The following ASB18 variants were observed in gnomAD, a reference collection of about 807,000 sequenced individuals.
ASB18 encodes ankyrin repeat and SOCS box containing 18, also known as ankyrin repeat and SOCS box protein 18.
In ASB18, 33 loss-of-function variants were observed where a neutral mutation model predicts 33.4. The observed-to-expected ratio is 0.99, with a 90% CI of 0.75 to 1.32. The LOEUF (loss-of-function observed/expected upper bound fraction) is 1.32. ASB18 is among the 40% of genes most tolerant of loss of function. ASB18 has a pLI of 0.00. For missense variants in ASB18, 694 were observed against 655.5 expected (o/e 1.06, Z -0.64); for synonymous variants, 295 against 307.6 (o/e 0.96, Z 0.43).
In ASB18 at chr2:236,237,968, G is replaced by A. The variant is rs77359803; in HGVS notation, c.329-12C>T. On this transcript the variant is annotated splice_polypyrimidine_tract_variant and intron_variant, in intron 2 of 5. Transcript: ENST00000409749. This position sits in a 1 kb window ranked among gnomAD's most constrained non-coding sequence, Gnocchi z 6.2. Reference sequence around the variant, plus strand: ...CAGGGTCCAGAGGCCTGCGGGGAGGGAGGTGGGATGTAAGGTCAGGGGGAG... The same window carrying A: ...CAGGGTCCAGAGGCCTGCGGGGAGGAAGGTGGGATGTAAGGTCAGGGGGAG... 1.0e-4 allele frequency: 153 copies of A among 1,488,230 alleles called. No individual in the cohort carries two copies. The African/African-American group carries it at 2.0e-3, about 20-fold the overall frequency. 92.2% of individuals were successfully genotyped at this position (1,488,230 alleles called of 1,614,324 possible). A position where few individuals can be genotyped will look rare whatever the true frequency, so the allele number is the denominator to read the frequency against.
chr2:236,194,887 C>T lies in ASB18; in HGVS notation c.1386G>A (p.Gln462=), dbSNP rs59098347. 0.021 allele frequency: 33,658 copies of T among 1,613,228 alleles called. 1,419 individuals are homozygous for T. Among genetic ancestry groups the T allele is most frequent in the African/African-American group, 0.18 (13,575 of 74,972 alleles). ...PLQNYLLLEP[Q]GVLH ...GTTCTGCGTTTCAGTGCAAAACACC[C>T]TGTGGCTCCAAAAGTAGGTAATTCT... is the stretch of plus-strand genomic sequence containing the variant. Residue 462 remains glutamine (Q), a synonymous_variant, in exon 6 of 6, where the codon CAG becomes CAA. Transcript: ENST00000409749. This position sits in a 1 kb window ranked among gnomAD's most constrained non-coding sequence, Gnocchi z 4.5.
In ASB18 at chr2:236,214,103, G is replaced by A; in HGVS notation, c.1101+259C>T. On this transcript the variant is annotated intron_variant, in intron 4 of 5. Coordinates refer to ENST00000409749, the MANE Select transcript of ASB18 (RefSeq NM_212556.4). The surrounding 1 kb of genome is among the most constrained non-coding windows in gnomAD (Gnocchi z 6.5). Reference sequence around the variant, plus strand: ...CATGCAACCCCTTAATTGTCTCGTGGCTCTAACCAGAAGGCTTCTAGGCCC... The same window carrying A: ...CATGCAACCCCTTAATTGTCTCGTGACTCTAACCAGAAGGCTTCTAGGCCC... The A allele has an allele frequency of 2.0e-6, 1 of 504,362 alleles. No homozygotes were observed. The highest frequency in any genetic ancestry group is 3.5e-6 in the Non-Finnish European group (1 of 287,590). The allele number at this position is 504,362 out of a possible 1,614,324, so 31.2% of individuals were successfully genotyped here. A position where few individuals can be genotyped will look rare whatever the true frequency, so the allele number is the denominator to read the frequency against.
intron 2 of ASB18, among the ~76,000 whole-genome samples, chr2:236,240,924 C>T (rs536835440): frequency 1.2e-4 from 19 of 152,278 alleles, no homozygotes; most frequent in East Asian, 7.7e-4. Context: ...GAGGCTGCTC[C>T]GGGCGCAACT....
At position 236,203,440 on chromosome 2, in the gene ASB18, T is replaced by C. The variant is rs1178591092; in HGVS notation, c.1102-7055A>G. ...TGGGGCATGAGTCTGACATGGGGAG[T>C]GCTCGGAAATGAAACAGGAGAGGAA... On this transcript the variant is annotated intron_variant, in intron 4 of 5. Transcript: ENST00000409749. This position sits in a 1 kb window ranked among gnomAD's most constrained non-coding sequence, Gnocchi z 6.0. Among the ~76,000 whole-genome samples the C allele has an allele frequency of 6.6e-6, 1 of 151,166 alleles. No homozygotes were observed. The highest frequency in any genetic ancestry group is 1.5e-5 in the Non-Finnish European group (1 of 67,864).
chr2:236,196,822 T>C lies in ASB18; in HGVS notation c.1102-437A>G, dbSNP rs145322262. Reference sequence around the variant, plus strand: ...TTCAGATGTGTCAGGAAATTGAGAATTGGGGAAGAGGAATTGTTTTGCTGT... The same window carrying C: ...TTCAGATGTGTCAGGAAATTGAGAACTGGGGAAGAGGAATTGTTTTGCTGT... On this transcript the variant is annotated intron_variant, in intron 4 of 5. Coordinates refer to ENST00000409749, the MANE Select transcript of ASB18 (RefSeq NM_212556.4). The surrounding 1 kb of genome is among the most constrained non-coding windows in gnomAD (Gnocchi z 5.6). 7.1e-3 allele frequency among the ~76,000 whole-genome samples: 1,081 copies of C among 152,316 alleles called. 13 individuals carry two copies. The highest frequency in any genetic ancestry group is 0.025 in the African/African-American group (1,028 of 41,566).
chr2:236,225,983 T>TA lies in ASB18; in HGVS notation c.597-11118dup. 6.6e-6 allele frequency among the ~76,000 whole-genome samples: 1 copy of TA among 152,132 alleles called. No individual in the cohort carries two copies. Among genetic ancestry groups the TA allele is most frequent in the Middle Eastern group, 3.4e-3 (1 of 294 alleles). ...CAGCGACCCCCTCTCTACTGTGAGGTAAAAAAATTAAGGATGACCTAAAAT... is the reference window on the plus strand; with the variant it reads ...CAGCGACCCCCTCTCTACTGTGAGGTAAAAAAAATTAAGGATGACCTAAAAT... On this transcript the variant is annotated intron_variant, in intron 3 of 5. Coordinates refer to ENST00000409749, the MANE Select transcript of ASB18 (RefSeq NM_212556.4). This position sits in a 1 kb window ranked among gnomAD's most constrained non-coding sequence, Gnocchi z 5.1.
chr2:236,259,406 C>A lies in ASB18; in HGVS notation c.205+4735G>T. The stretch of plus-strand genomic sequence containing the variant: ...GAGGTTCTGGCCCTAGAAGAGGTGG[C>A]ATTCAGGTTTGAATTATCCAGTTGG... On this transcript the variant is annotated intron_variant, in intron 1 of 5. Coordinates refer to ENST00000409749, the MANE Select transcript of ASB18 (RefSeq NM_212556.4). This position sits in a 1 kb window ranked among gnomAD's most constrained non-coding sequence, Gnocchi z 4.4. 7.2e-6 allele frequency: 3 copies of A among 418,644 alleles called. No homozygotes were observed. Among genetic ancestry groups the A allele is most frequent in the Non-Finnish European group, 1.5e-5 (3 of 198,078 alleles). 25.9% of individuals were successfully genotyped at this position (418,644 alleles called of 1,614,324 possible).
chr2:236,224,250 T>C (rs1490577809), intron 3 of ASB18, among the ~76,000 whole-genome samples: 3 of 151,270 alleles, frequency 2.0e-5, no homozygotes, highest in Non-Finnish European at 2.9e-5. Flanking sequence ...TGAATATTTA[T>C]TTGTGGTCTC....
At position 236,237,132 on chromosome 2, in the gene ASB18, C is replaced by A. The variant is rs1184514184; in HGVS notation, c.596+557G>T. Among the ~76,000 whole-genome samples the A allele has an allele frequency of 6.6e-6, 1 of 152,126 alleles. No individual in the cohort carries two copies. Among genetic ancestry groups the A allele is most frequent in the Non-Finnish European group, 1.5e-5 (1 of 68,018 alleles). On this transcript the variant is annotated intron_variant, in intron 3 of 5. Transcript: ENST00000409749. The surrounding 1 kb of genome is among the most constrained non-coding windows in gnomAD (Gnocchi z 6.2). The stretch of plus-strand genomic sequence containing the variant: ...CGCTTCCGAGCGGGCCTGGAAGCCC[C>A]GCCCGAGGAGCTAACCATTTATGTC...
At position 236,204,252 on chromosome 2, in the gene ASB18, A is replaced by G. The variant is rs2060422194; in HGVS notation, c.1102-7867T>C. On this transcript the variant is annotated intron_variant, in intron 4 of 5. Coordinates refer to ENST00000409749, the MANE Select transcript of ASB18 (RefSeq NM_212556.4). The surrounding 1 kb of genome is among the most constrained non-coding windows in gnomAD (Gnocchi z 5.1). The stretch of plus-strand genomic sequence containing the variant: ...CCAGGCTCTGCCTCGCCAGTGGTCC[A>G]TGCTCTGCCTCACTTTACTTGCTGT... 6.6e-6 allele frequency among the ~76,000 whole-genome samples: 1 copy of G among 152,158 alleles called. No homozygotes were observed. Among genetic ancestry groups the G allele is most frequent in the South Asian group, 2.1e-4 (1 of 4,826 alleles).
rs1264478772 is a variant in ASB18 at position 236,241,713 on chromosome 2, C to T, written c.206-311G>A. 2.0e-5 allele frequency among the ~76,000 whole-genome samples: 3 copies of T among 152,126 alleles called. No homozygotes were observed. Among genetic ancestry groups the T allele is most frequent in the Non-Finnish European group, 4.4e-5 (3 of 68,024 alleles). ...CAGGGGCATGTGAGCACTGGGATGC[C>T]GCAGTACTCAGCCACCCTCTTTGTG... On this transcript the variant is annotated intron_variant, in intron 1 of 5. Transcript: ENST00000409749. This position sits in a 1 kb window ranked among gnomAD's most constrained non-coding sequence, Gnocchi z 4.2.
rs10211355 is a variant in ASB18, at chr2:236,194,387, A to C, written c.*485T>G. ...GGTATGTGTAGCTTGCCTTTATTTC[A>C]ATCTTTACTATTAGAATTGTATTGG... On this transcript the variant is annotated 3_prime_UTR_variant, in exon 6 of 6. Transcript: ENST00000409749. The surrounding 1 kb of genome is among the most constrained non-coding windows in gnomAD (Gnocchi z 4.5). Among the ~76,000 whole-genome samples the C allele has an allele frequency of 0.1, 15,670 of 152,144 alleles. 925 individuals carry two copies. The highest frequency in any genetic ancestry group is 0.21 in the Middle Eastern group (63 of 294).
At chr2:236,236,238 A>G (rs2060588244) in intron 3 of ASB18, among the ~76,000 whole-genome samples, 1 of 152,230 alleles carries the variant, frequency 6.6e-6, no homozygotes, top group African/African-American at 2.4e-5. Context: ...ACACAGCAAC[A>G]CAGATGAATC....
At chr2:236,246,346 CAAAAAAAAAA>C (rs60064230) in intron 1 of ASB18, among the ~76,000 whole-genome samples, 10 of 32,700 alleles carry the variant, frequency 3.1e-4, no homozygotes, top group East Asian at 2.4e-3. Flanking sequence ...GACTCCATCT[CAAAAAAAAAA>C]AAAAAAAAAA....
At chr2:236,210,906 G>A (rs959046121) in intron 4 of ASB18, among the ~76,000 whole-genome samples, 19 of 152,162 alleles carry the variant, frequency 1.2e-4, no homozygotes, top group African/African-American at 3.6e-4. Flanking sequence ...CTTCCCACAC[G>A]CTTTGATGCT....
intron 4 of ASB18, among the ~76,000 whole-genome samples, chr2:236,212,217 C>T (rs2060461945): frequency 6.6e-6 from 1 of 152,128 alleles, no homozygotes; most frequent in South Asian, 2.1e-4. Context: ...TGAGTTGCAC[C>T]ACTGACTGAC....
Position 236,194,068 on chromosome 2 carries a change from T to TATGAATGA in ASB18, c.*796_*803dup, listed in dbSNP as rs148040196. Among the ~76,000 whole-genome samples, 16,494 of 151,800 alleles carry TATGAATGA rather than the reference T, an allele frequency of 0.11. 2,562 individuals are homozygous for TATGAATGA. The highest frequency in any genetic ancestry group is 0.35 in the African/African-American group (14,320 of 41,138). ...CTGAACTAGAATAAGCACATTAGAA[T>TATGAATGA]ATGAATGAATGAATGAATGAATGAA... On this transcript the variant is annotated 3_prime_UTR_variant, in exon 6 of 6. Transcript: ENST00000409749. The surrounding 1 kb of genome is among the most constrained non-coding windows in gnomAD (Gnocchi z 4.5).
At position 236,195,895 on chromosome 2, in the gene ASB18, T is replaced by C. The variant is rs1439062592; in HGVS notation, c.1215+377A>G. 6.6e-6 allele frequency among the ~76,000 whole-genome samples: 1 copy of C among 152,158 alleles called. No individual in the cohort carries two copies. The highest frequency in any genetic ancestry group is 1.5e-5 in the Non-Finnish European group (1 of 68,028). ...GTAATCCCCATAGCTTCCTTGGTCGTATCTTGAGCTGCTGGAGCATGAAGC... is the reference window on the plus strand; with the variant it reads ...GTAATCCCCATAGCTTCCTTGGTCGCATCTTGAGCTGCTGGAGCATGAAGC... On this transcript the variant is annotated intron_variant, in intron 5 of 5. Transcript: ENST00000409749. This position sits in a 1 kb window ranked among gnomAD's most constrained non-coding sequence, Gnocchi z 5.5.
Position 236,237,568 on chromosome 2 carries a change from T to A in ASB18, c.596+121A>T. 1.3e-6 allele frequency: 1 copy of A among 773,286 alleles called. No individual in the cohort carries two copies. Among genetic ancestry groups the A allele is most frequent in the Non-Finnish European group, 1.8e-6 (1 of 548,672 alleles). 47.9% of individuals were successfully genotyped at this position (773,286 alleles called of 1,614,324 possible). On this transcript the variant is annotated intron_variant, in intron 3 of 5. Transcript: ENST00000409749. The surrounding 1 kb of genome is among the most constrained non-coding windows in gnomAD (Gnocchi z 6.2). Reference sequence around the variant, plus strand: ...AGTGGGCAGAGTCAAGGGTGCAGGGTCTGGGTCCGGAGGCGGGGGCTGGGA... The same window carrying A: ...AGTGGGCAGAGTCAAGGGTGCAGGGACTGGGTCCGGAGGCGGGGGCTGGGA...
Sources: allele counts gnomAD v4.1 joint callset (sites outside exome capture counted in the v4.1 genomes callset), GRCh38; gene constraint gnomAD v4.1.1; non-coding constraint Gnocchi (gnomAD v3.1); transcripts MANE v1.5; gene names NCBI Gene and HGNC (gene_info 2026-07-23, HGNC 2026-07-21).